Variants in LMX1B observed in about 807,000 individuals in gnomAD.
The protein encoded by LMX1B is LIM homeobox transcription factor 1 beta, also known as LIM homeobox transcription factor 1-beta.
In LMX1B, 12 loss-of-function variants were observed where a neutral mutation model predicts 51.4. The ratio of observed to expected loss-of-function variants is 0.23; its 90% CI spans 0.15 to 0.38. LMX1B has a LOEUF of 0.38. LMX1B is among the 10% of genes least tolerant of loss of function. The probability of loss-of-function intolerance (pLI) is 1.00; values close to 1 mark genes in which losing one functional copy is unlikely to be tolerated. For missense variants in LMX1B, 445 were observed against 571.1 expected (o/e 0.78, Z 2.25); for synonymous variants, 237 against 235.4 (o/e 1.01, Z -0.06).
At position 126,695,951 on chromosome 9, in the gene LMX1B, C is replaced by T; in HGVS notation, c.999C>T (p.Phe333=). 1 of 1,613,126 alleles carries T rather than the reference C, an allele frequency of 6.2e-7. No individual in the cohort carries two copies. The highest frequency in any genetic ancestry group is 8.5e-7 in the Non-Finnish European group (1 of 1,179,656). Residue 333 remains phenylalanine (F), a synonymous_variant, in exon 7 of 8, where the codon TTC becomes TTT. Transcript: ENST00000373474. The surrounding 1 kb of genome is among the most constrained non-coding windows in gnomAD (Gnocchi z 5.2). ...EQSPYGSSDP[F]QQGLTPPQMP... is the part of the protein sequence containing the mutation. Reference sequence around the variant, plus strand: ...GCCCCTACGGCAGCAGCGACCCCTTCCAGCAGGGCCTCACGCCGCCCCAAA... The same window carrying T: ...GCCCCTACGGCAGCAGCGACCCCTTTCAGCAGGGCCTCACGCCGCCCCAAA...
Position 126,673,056 on chromosome 9 carries a change from G to C in LMX1B, c.327-17780G>C, listed in dbSNP as rs1836489230. Among the ~76,000 whole-genome samples, 1 of 152,230 alleles carries C rather than the reference G, an allele frequency of 6.6e-6. No homozygotes were observed. Among genetic ancestry groups the C allele is most frequent in the Non-Finnish European group, 1.5e-5 (1 of 68,036 alleles). ...CACATGCTGACCTATCTCTTACTGGGGGCTCTGGCACTTTGTAGCTGTGAG... is the reference window on the plus strand; with the variant it reads ...CACATGCTGACCTATCTCTTACTGGCGGCTCTGGCACTTTGTAGCTGTGAG... On this transcript the variant is annotated intron_variant, in intron 2 of 7. Transcript: ENST00000373474. This position sits in a 1 kb window ranked among gnomAD's most constrained non-coding sequence, Gnocchi z 4.4.
At position 126,618,359 on chromosome 9, in the gene LMX1B, C is replaced by T. The variant is rs1048261364; in HGVS notation, c.326+2790C>T. ...CACCCAGAAGTGCCAAGTTGTCTTACGCACCACGGGGGTGATTAATTGACA... is the reference window on the plus strand; with the variant it reads ...CACCCAGAAGTGCCAAGTTGTCTTATGCACCACGGGGGTGATTAATTGACA... On this transcript the variant is annotated intron_variant, in intron 2 of 7. Transcript: ENST00000373474. This position sits in a 1 kb window ranked among gnomAD's most constrained non-coding sequence, Gnocchi z 4.5. Among the ~76,000 whole-genome samples the T allele has an allele frequency of 2.0e-5, 3 of 152,208 alleles. No individual in the cohort carries two copies. Among genetic ancestry groups the T allele is most frequent in the Admixed American group, 6.5e-5 (1 of 15,288 alleles).
chr9:126,689,171 G>T (rs2030020255), intron 2 of LMX1B, among the ~76,000 whole-genome samples: 1 of 152,226 alleles, frequency 6.6e-6, no homozygotes, highest in Non-Finnish European at 1.5e-5. Flanking sequence ...AGCCTGCTGG[G>T]TAGAATAGAG....
At chr9:126,637,286 G>A (rs900977015) in intron 2 of LMX1B, among the ~76,000 whole-genome samples, 3 of 152,144 alleles carry the variant, frequency 2.0e-5, no homozygotes, top group Admixed American at 2.0e-4. Context: ...CAGGAGCAGC[G>A]CCTGTGTCAG....
intron 2 of LMX1B, among the ~76,000 whole-genome samples, chr9:126,652,002 G>GC (rs575576870): frequency 9.2e-5 from 14 of 151,860 alleles, no homozygotes; most frequent in Admixed American, 2.6e-4. Flanking sequence ...GCCAGAGATG[G>GC]GGGGGGGCCT....
At chr9:126,690,784 T>C in intron 2 of LMX1B, 52 bp from the exon 3 acceptor site, 1 of 1,511,096 alleles carries the variant, frequency 6.6e-7, no homozygotes, top group Admixed American at 1.9e-5. Context: ...AGGAGTGGCC[T>C]CTGGGAGGGA....
At position 126,696,549 on chromosome 9, in the gene LMX1B, C is replaced by A; in HGVS notation, c.*98C>A. The A allele has an allele frequency of 7.0e-7, 1 of 1,428,588 alleles. No homozygotes were observed. The highest frequency in any genetic ancestry group is 9.8e-7 in the Non-Finnish European group (1 of 1,020,698). The allele number at this position is 1,428,588 out of a possible 1,614,324, so 88.5% of individuals were successfully genotyped here. A position where few individuals can be genotyped will look rare whatever the true frequency, so the allele number is the denominator to read the frequency against. On this transcript the variant is annotated 3_prime_UTR_variant, in exon 8 of 8. Coordinates refer to ENST00000373474, the MANE Select transcript of LMX1B (RefSeq NM_001174147.2). ...ACCCCCGCCCTGCTCTCCGCACAGA[C>A]TACAGACAGCCATACGGTGCCCTCC...
At chr9:126,651,297 T>TG (rs1554724743) in intron 2 of LMX1B, among the ~76,000 whole-genome samples, 2,412 of 108,036 alleles carry the variant, frequency 0.022, 62 homozygotes, top group African/African-American at 0.059. Context: ...AAGGAGGGAC[T>TG]GGGGGGGGTG....
At chr9:126,659,302 A>G (rs79375003) in intron 2 of LMX1B, among the ~76,000 whole-genome samples, 14,286 of 152,188 alleles carry the variant, frequency 0.094, 996 homozygotes, top group East Asian at 0.38. Context: ...GTCCAGGGGC[A>G]CTGCTGACCC....
rs752372058 is a variant in LMX1B, at chr9:126,677,925, A to G, written c.327-12911A>G. Among the ~76,000 whole-genome samples, 1 of 152,130 alleles carries G rather than the reference A, an allele frequency of 6.6e-6. No individual in the cohort carries two copies. The highest frequency in any genetic ancestry group is 1.9e-4 in the East Asian group (1 of 5,192). ...AGGAGCATAGGATGGGAAATAAGGGAGGAGATGGTTGGTCCTCCCTCTGGA... is the reference window on the plus strand; with the variant it reads ...AGGAGCATAGGATGGGAAATAAGGGGGGAGATGGTTGGTCCTCCCTCTGGA... On this transcript the variant is annotated intron_variant, in intron 2 of 7. Coordinates refer to ENST00000373474, the MANE Select transcript of LMX1B (RefSeq NM_001174147.2). This position sits in a 1 kb window ranked among gnomAD's most constrained non-coding sequence, Gnocchi z 5.0.
At chr9:126,667,772 G>A (rs979635232) in intron 2 of LMX1B, among the ~76,000 whole-genome samples, 1 of 152,230 alleles carries the variant, frequency 6.6e-6, no homozygotes, top group African/African-American at 2.4e-5. Context: ...GTTTCCAGAA[G>A]AAAGGGATGG....
At chr9:126,648,525 C>T (rs1213265718) in intron 2 of LMX1B, among the ~76,000 whole-genome samples, 1 of 152,196 alleles carries the variant, frequency 6.6e-6, no homozygotes, top group Non-Finnish European at 1.5e-5. Flanking sequence ...TTGGCTTCTC[C>T]CAGTCTTGAT....
At chr9:126,621,891 G>A (rs771058478) in intron 2 of LMX1B, among the ~76,000 whole-genome samples, 2 of 152,106 alleles carry the variant, frequency 1.3e-5, no homozygotes, top group Non-Finnish European at 2.9e-5. Flanking sequence ...CACTGTGCTC[G>A]GAATGGCAAC....
intron 2 of LMX1B, among the ~76,000 whole-genome samples, chr9:126,654,347 A>G (rs1049253193): frequency 2.0e-5 from 3 of 152,130 alleles, no homozygotes; most frequent in Non-Finnish European, 4.4e-5. Context: ...ACGTATTGTC[A>G]TGGTCTGTTT....
intron 2 of LMX1B, among the ~76,000 whole-genome samples, chr9:126,628,398 C>T (rs1212795953): frequency 6.6e-6 from 1 of 152,158 alleles, no homozygotes; most frequent in Non-Finnish European, 1.5e-5. Context: ...ATTTATTAGC[C>T]AATCCTGGGG....
At chr9:126,617,557 C>G (rs1203004832) in intron 2 of LMX1B, among the ~76,000 whole-genome samples, 1 of 151,842 alleles carries the variant, frequency 6.6e-6, no homozygotes, top group East Asian at 1.9e-4. Flanking sequence ...CACGAAATTT[C>G]AGCTGGATGT....
At chr9:126,684,672 G>A (rs1231043002) in intron 2 of LMX1B, among the ~76,000 whole-genome samples, 1 of 152,144 alleles carries the variant, frequency 6.6e-6, no homozygotes, top group African/African-American at 2.4e-5. Flanking sequence ...GGTCTGGTTG[G>A]CTCCCCTTGA....
Position 126,693,768 on chromosome 9 carries a change from A to C in LMX1B, c.842A>C (p.His281Pro). The change falls in exon 6 of 8, where the codon CAC (histidine) becomes CCC (proline). Residue 281 changes from histidine to proline, a missense_variant. Around this residue, in one of 3 missense-constraint regions of LMX1B, gnomAD observed 162 missense variants for 187.8 expected, o/e 0.86. Transcript: ENST00000373474. ...RAKMKKLARR[H>P]QQQQEQQNSQ... ...CAGATGAAGAAGCTGGCGCGGCGGCACCAGCAGCAGCAGGAGCAGCAGAAC... is the reference window on the plus strand; with the variant it reads ...CAGATGAAGAAGCTGGCGCGGCGGCCCCAGCAGCAGCAGGAGCAGCAGAAC... The C allele has an allele frequency of 6.6e-7, 1 of 1,517,836 alleles. No individual in the cohort carries two copies. Among genetic ancestry groups the C allele is most frequent in the Non-Finnish European group, 8.9e-7 (1 of 1,121,374 alleles). The allele number at this position is 1,517,836 out of a possible 1,614,324, so 94.0% of individuals were successfully genotyped here. A position where few individuals can be genotyped will look rare whatever the true frequency, so the allele number is the denominator to read the frequency against.
At position 126,614,070 on chromosome 9, in the gene LMX1B, G is replaced by A. The variant is rs1187224860; in HGVS notation, c.-380G>A. Among the ~76,000 whole-genome samples the A allele has an allele frequency of 9.6e-6, 1 of 103,822 alleles. No homozygotes were observed. Among genetic ancestry groups the A allele is most frequent in the Non-Finnish European group, 1.9e-5 (1 of 51,310 alleles). The allele number at this position is 103,822 out of a possible 152,430, so 68.1% of individuals were successfully genotyped here. A position where few individuals can be genotyped will look rare whatever the true frequency, so the allele number is the denominator to read the frequency against. Reference sequence around the variant, plus strand: ...CGCCCCCCCCGCGGCCCGCGGGGCCGCCCCTGCACCCCCACCCCCTCCCCC... The same window carrying A: ...CGCCCCCCCCGCGGCCCGCGGGGCCACCCCTGCACCCCCACCCCCTCCCCC... On this transcript the variant is annotated 5_prime_UTR_variant, in exon 1 of 8. Transcript: ENST00000373474.
Sources: gnomAD v4.1 joint callset for allele counts (sites outside exome capture counted in the v4.1 genomes callset) on GRCh38, gnomAD v4.1.1 for gene constraint, gnomAD v4.1.1 regional missense constraint, Gnocchi (gnomAD v3.1) non-coding constraint, MANE v1.5 for transcripts, NCBI Gene and HGNC (gene_info 2026-07-23, HGNC 2026-07-21) for gene names.